Variants in CRPPA observed in about 807,000 individuals in gnomAD.
CRPPA encodes CDP-L-ribitol pyrophosphorylase A, also known as D-ribitol-5-phosphate cytidylyltransferase.
Under a neutral mutation model 52.0 loss-of-function variants are expected in CRPPA, and 43 were observed. That is an observed-to-expected ratio of 0.83 (90% confidence interval 0.65 to 1.07). The LOEUF (loss-of-function observed/expected upper bound fraction) is 1.07, where lower values mean the gene tolerates loss of function less well. CRPPA is among the 50% of genes least tolerant of loss of function. The pLI is 0.00. For missense variants in CRPPA, 629 were observed against 551.7 expected (o/e 1.14, Z -1.40); for synonymous variants, 250 against 203.5 (o/e 1.23, Z -1.94).
intron 8 of CRPPA, among the ~76,000 whole-genome samples, chr7:16,244,820 T>C (rs984677316): frequency 1.3e-5 from 2 of 152,136 alleles, no homozygotes; most frequent in Non-Finnish European, 2.9e-5. Context: ...CCATTGCAAA[T>C]CTCAGCCAAG....
chr7:16,251,002 A>G (rs781259490), intron 8 of CRPPA, among the ~76,000 whole-genome samples: 2 of 152,114 alleles, frequency 1.3e-5, no homozygotes, highest in Non-Finnish European at 2.9e-5. Flanking sequence ...AAAGACATAC[A>G]TACACTCAAA....
At chr7:16,210,304 G>C (rs1182495724) in intron 9 of CRPPA, among the ~76,000 whole-genome samples, 1 of 152,146 alleles carries the variant, frequency 6.6e-6, no homozygotes, top group African/African-American at 2.4e-5. Flanking sequence ...GTGTTAGTGT[G>C]GTAGGCAGCA....
In CRPPA at chr7:16,387,062, TATATATATATATATATATATATATAC is replaced by T. The variant is rs1191522022; in HGVS notation, c.535-10847_535-10822del. The stretch of plus-strand genomic sequence containing the variant: ...AAAAAAAGATATATATATATATATA[TATATATATATATATATATATATATAC>T]ACACATATATATATGTATATACACA... On this transcript the variant is annotated intron_variant, in intron 2 of 9. Coordinates refer to ENST00000407010, the MANE Select transcript of CRPPA (RefSeq NM_001101426.4). Among the ~76,000 whole-genome samples the T allele has an allele frequency of 2.1e-3, 160 of 77,038 alleles. 2 individuals are homozygous for T. The highest frequency in any genetic ancestry group is 0.01 in the African/African-American group (146 of 14,302). 50.5% of individuals were successfully genotyped at this position (77,038 alleles called of 152,430 possible).
At chr7:16,196,076 A>T (rs557158149) in intron 9 of CRPPA, among the ~76,000 whole-genome samples, 1 of 152,126 alleles carries the variant, frequency 6.6e-6, no homozygotes, top group Non-Finnish European at 1.5e-5. Flanking sequence ...TTGTACATGT[A>T]TATATGTAGT....
chr7:16,100,872 A>C (rs1279820832), intron 9 of CRPPA, among the ~76,000 whole-genome samples: 1 of 152,144 alleles, frequency 6.6e-6, no homozygotes, highest in African/African-American at 2.4e-5. Flanking sequence ...GGGGTGTTGA[A>C]TATTATTGAG....
intron 8 of CRPPA, among the ~76,000 whole-genome samples, chr7:16,247,362 G>C (rs955653089): frequency 6.6e-6 from 1 of 152,050 alleles, no homozygotes; most frequent in Non-Finnish European, 1.5e-5. Context: ...TTATTAATTG[G>C]CCTGATTTCA....
chr7:16,404,454 T>C (rs1026016947), intron 2 of CRPPA, among the ~76,000 whole-genome samples: 5 of 152,120 alleles, frequency 3.3e-5, no homozygotes, highest in Non-Finnish European at 7.4e-5. Context: ...TGGAGCAAGA[T>C]AAAAGACTTC....
intron 3 of CRPPA, among the ~76,000 whole-genome samples, chr7:16,323,350 T>A (rs10251140): frequency 3.5e-4 from 53 of 152,252 alleles, no homozygotes; most frequent in African/African-American, 1.3e-3. Flanking sequence ...AAAATAAATT[T>A]CCCCACCCCT....
In CRPPA at chr7:16,110,031, T is replaced by TTA. The variant is rs543269631; in HGVS notation, c.1252-18234_1252-18233dup. 4.2e-4 allele frequency among the ~76,000 whole-genome samples: 64 copies of TTA among 151,848 alleles called. 2 individuals carry two copies. The highest frequency in any genetic ancestry group is 3.9e-4 in the East Asian group (2 of 5,168). On this transcript the variant is annotated intron_variant, in intron 9 of 9. Transcript: ENST00000407010. ...CTCACTGTTTGCGGATGACATGATC[T>TTA]TATATATATATAGAAAGCTGTTAAC...
At chr7:16,311,265 A>G (rs1785028949) in intron 3 of CRPPA, among the ~76,000 whole-genome samples, 1 of 152,164 alleles carries the variant, frequency 6.6e-6, no homozygotes, top group Non-Finnish European at 1.5e-5. Context: ...GTACAATGAT[A>G]TACGTCCATC....
intron 3 of CRPPA, among the ~76,000 whole-genome samples, chr7:16,354,549 C>G (rs1297629984): frequency 1.3e-5 from 2 of 152,022 alleles, no homozygotes; most frequent in Non-Finnish European, 2.9e-5. Flanking sequence ...GCTTTGGACA[C>G]TAAAAAAATT....
At chr7:16,117,757 A>C (rs1782405630) in intron 9 of CRPPA, among the ~76,000 whole-genome samples, 1 of 152,238 alleles carries the variant, frequency 6.6e-6, no homozygotes, top group South Asian at 2.1e-4. Flanking sequence ...CTTGTAAGAA[A>C]GGCCTCACGT....
intron 6 of CRPPA, among the ~76,000 whole-genome samples, chr7:16,273,451 G>C (rs1027039603): frequency 6.6e-6 from 1 of 152,014 alleles, no homozygotes; most frequent in African/African-American, 2.4e-5. Flanking sequence ...CAGCTTGAAG[G>C]TGGGACTTCA....
chr7:16,362,416 T>C (rs1255223368), intron 3 of CRPPA, among the ~76,000 whole-genome samples: 1 of 152,164 alleles, frequency 6.6e-6, no homozygotes, highest in Non-Finnish European at 1.5e-5. Context: ...CCAACAGCTC[T>C]GATGCCTGGG....
intron 3 of CRPPA, among the ~76,000 whole-genome samples, chr7:16,372,214 T>C (rs1786767366): frequency 6.6e-6 from 1 of 152,108 alleles, no homozygotes; most frequent in South Asian, 2.1e-4. Context: ...GGAAATTCAT[T>C]GCAAAAAGAC....
chr7:16,205,345 A>C (rs17169340), intron 9 of CRPPA, among the ~76,000 whole-genome samples: 3 of 152,104 alleles, frequency 2.0e-5, no homozygotes, highest in East Asian at 3.9e-4. Context: ...GGTGTTCTCA[A>C]TTCATTAGAA....
chr7:16,310,567 T>C (rs1056223093), intron 3 of CRPPA, among the ~76,000 whole-genome samples: 10 of 152,102 alleles, frequency 6.6e-5, no homozygotes, highest in Admixed American at 5.2e-4. Flanking sequence ...TTAAATCAGG[T>C]GACGGGGTAA....
chr7:16,121,269 T>C (rs1011254333), intron 9 of CRPPA, among the ~76,000 whole-genome samples: 1 of 152,068 alleles, frequency 6.6e-6, no homozygotes, highest in African/African-American at 2.4e-5. Flanking sequence ...CAATTTTATA[T>C]CAAATTTAAA....
chr7:16,131,065 C>T (rs1782671947), intron 9 of CRPPA, among the ~76,000 whole-genome samples: 1 of 152,198 alleles, frequency 6.6e-6, no homozygotes, highest in South Asian at 2.1e-4. Flanking sequence ...TGTGAAAAAA[C>T]AAATTTATGT....
Sources: allele counts gnomAD v4.1 joint callset (sites outside exome capture counted in the v4.1 genomes callset), GRCh38; gene constraint gnomAD v4.1.1; transcripts MANE v1.5; gene names NCBI Gene and HGNC (gene_info 2026-07-23, HGNC 2026-07-21).